Variants in RYR2 observed in about 807,000 individuals in gnomAD.
RYR2 encodes the protein cardiac muscle ryanodine receptor-calcium release channel.
A neutral mutation model predicts 601.1 loss-of-function variants in RYR2; 227 were observed. The ratio of observed to expected loss-of-function variants is 0.38; its 90% CI spans 0.34 to 0.42. RYR2 has a LOEUF of 0.42. Among genes scored for constraint, RYR2 ranks in the 10% least tolerant of loss-of-function variants. RYR2 has a pLI of 1.00. For missense variants in RYR2, 4,646 were observed against 6,156.5 expected (o/e 0.75, Z 8.21); for synonymous variants, 2,223 against 2,175.1 (o/e 1.02, Z -0.61).
chr1:237,764,481 C>T (rs1693689238), intron 84 of RYR2, among the ~76,000 whole-genome samples: 1 of 137,026 alleles, frequency 7.3e-6, no homozygotes, highest in Non-Finnish European at 1.5e-5. Flanking sequence ...TGGAGTGTCG[C>T]TCTGTCGCCC....
In RYR2 at chr1:237,561,015, A is replaced by G. The variant is rs544134059; in HGVS notation, c.3215-5552A>G. ...GACAGTAATTGGGGTTAAGAGAGCA[A>G]GTAGGGGAAAAGCTAATAAGGGCAA... On this transcript the variant is annotated intron_variant, in intron 27 of 104. Coordinates refer to ENST00000366574, the MANE Select transcript of RYR2 (RefSeq NM_001035.3). Among the ~76,000 whole-genome samples, 21 of 152,312 alleles carry G rather than the reference A, an allele frequency of 1.4e-4. No individual in the cohort carries two copies. The East Asian group carries it at 2.3e-3, about 17-fold the overall frequency.
intron 29 of RYR2, among the ~76,000 whole-genome samples, chr1:237,580,286 G>T (rs1463811929): frequency 6.7e-6 from 1 of 149,602 alleles, no homozygotes; most frequent in African/African-American, 2.5e-5. Flanking sequence ...CTCCTGAGTA[G>T]CTGGGATTAC....
intron 94 of RYR2, among the ~76,000 whole-genome samples, chr1:237,792,657 A>G (rs551311623): frequency 4.6e-5 from 7 of 152,180 alleles, no homozygotes; most frequent in African/African-American, 1.2e-4. Flanking sequence ...TTATGTCTAC[A>G]TTGACTAGTC....
At chr1:237,445,286 C>T (rs1358053791) in intron 13 of RYR2, 115 bp from the exon 14 acceptor site, 19 of 1,317,076 alleles carry the variant, frequency 1.4e-5, no homozygotes, top group Non-Finnish European at 2.0e-5. Flanking sequence ...GTCCCCTGTA[C>T]CTGCCTTTTG....
rs1000871262 is a variant in RYR2 at position 237,180,252 on chromosome 1, C to T, written c.49-90245C>T. Among the ~76,000 whole-genome samples, 23 of 152,234 alleles carry T rather than the reference C, an allele frequency of 1.5e-4. No individual in the cohort carries two copies. The highest frequency in any genetic ancestry group is 5.5e-4 in the African/African-American group (23 of 41,550). ...AGGACAGACAGGGGTGAGCACAGCT[C>T]AGGTGAGGAATGACAAGGGAAGATT... On this transcript the variant is annotated intron_variant, in intron 1 of 104. Transcript: ENST00000366574. The surrounding 1 kb of genome is among the most constrained non-coding windows in gnomAD (Gnocchi z 5.3).
intron 1 of RYR2, among the ~76,000 whole-genome samples, chr1:237,155,248 G>C (rs951848925): frequency 6.8e-6 from 1 of 146,962 alleles, no homozygotes; most frequent in Non-Finnish European, 1.5e-5. Context: ...CGGTCTCAGC[G>C]CACTGCAATC....
At chr1:237,119,389 T>C (rs1029141320) in intron 1 of RYR2, among the ~76,000 whole-genome samples, 1 of 152,190 alleles carries the variant, frequency 6.6e-6, no homozygotes, top group East Asian at 1.9e-4. Flanking sequence ...AGCAAACTGC[T>C]ACAGTAATTG....
At chr1:237,178,550 T>C (rs1348295976) in intron 1 of RYR2, among the ~76,000 whole-genome samples, 1 of 151,780 alleles carries the variant, frequency 6.6e-6, no homozygotes, top group Admixed American at 6.6e-5. Flanking sequence ...GTTGGCTAGT[T>C]GCGGTGGCTC....
chr1:237,705,977 G>A (rs1370191795), intron 67 of RYR2, among the ~76,000 whole-genome samples: 3 of 152,110 alleles, frequency 2.0e-5, no homozygotes, highest in Non-Finnish European at 2.9e-5. Flanking sequence ...AGGGCTGGGC[G>A]CAGTGGCTCA....
intron 14 of RYR2, among the ~76,000 whole-genome samples, chr1:237,449,875 T>C (rs1157841556): frequency 2.6e-5 from 4 of 152,326 alleles, no homozygotes; most frequent in African/African-American, 7.2e-5. Flanking sequence ...TGTTAGGTGC[T>C]GGCTATTTTT....
chr1:237,566,409 T>C (rs1384109369), intron 27 of RYR2, among the ~76,000 whole-genome samples, 158 bp from the exon 28 acceptor site: 1 of 152,174 alleles, frequency 6.6e-6, no homozygotes, highest in East Asian at 1.9e-4. Flanking sequence ...AAGCACTTGG[T>C]AAAATGGGAA....
At chr1:237,550,815 C>A (rs1057201561) in intron 27 of RYR2, 124 bp downstream of exon 27, 14 of 1,075,778 alleles carry the variant, frequency 1.3e-5, no homozygotes, top group Non-Finnish European at 1.4e-5. Context: ...GGAATTTCAG[C>A]CAAGTGGATT....
chr1:237,513,220 C>T (rs79012819), intron 24 of RYR2, among the ~76,000 whole-genome samples: 2,176 of 152,232 alleles, frequency 0.014, 51 homozygotes, highest in African/African-American at 0.044. Context: ...AATATAATTT[C>T]GAATTTTGAT....
chr1:237,298,261 A>G (rs1046228096), intron 2 of RYR2, among the ~76,000 whole-genome samples: 2 of 152,084 alleles, frequency 1.3e-5, no homozygotes, highest in Non-Finnish European at 2.9e-5. Flanking sequence ...CTGGCATAGG[A>G]AGATTAAGAT....
intron 17 of RYR2, among the ~76,000 whole-genome samples, chr1:237,491,270 C>A (rs921553348): frequency 1.3e-5 from 2 of 152,038 alleles, no homozygotes; most frequent in African/African-American, 4.8e-5. Flanking sequence ...ATCTTGTGTA[C>A]TATAAACCTC....
intron 1 of RYR2, among the ~76,000 whole-genome samples, chr1:237,254,751 A>C (rs894399546): frequency 2.6e-5 from 4 of 152,210 alleles, no homozygotes; most frequent in African/African-American, 9.6e-5. Flanking sequence ...AATACATTTA[A>C]TGTTTCATAG....
chr1:237,057,774 T>A (rs1246381154), intron 1 of RYR2, among the ~76,000 whole-genome samples: 2 of 152,082 alleles, frequency 1.3e-5, no homozygotes, highest in African/African-American at 4.8e-5. Context: ...CAAGATGGGA[T>A]AGAGATGCCC....
At chr1:237,648,294 C>T in intron 48 of RYR2, 150 bp from the exon 49 acceptor site, 2 of 659,712 alleles carry the variant, frequency 3.0e-6, no homozygotes, top group Non-Finnish European at 4.7e-6. Context: ...CCTCAGCAAA[C>T]TCCCATAATA....
Position 237,387,366 on chromosome 1 carries a change from G to T in RYR2, c.662G>T (p.Ser221Ile). The T allele has an allele frequency of 1.9e-6, 3 of 1,614,006 alleles. No individual in the cohort carries two copies. The highest frequency in any genetic ancestry group is 2.5e-6 in the Non-Finnish European group (3 of 1,179,884). The change falls in exon 9 of 105, where the codon AGT becomes ATT. Residue 221 changes from serine to isoleucine, a missense_variant. By Grantham distance (142) the Ser-to-Ile change is moderately radical. This residue lies in a region of RYR2 where 87 missense variants were observed against 144.7 expected (regional missense o/e 0.60). Transcript: ENST00000366574. ...LWSVAPISSG[S>I]EAAQGYLIGG... ...AGCGTGGCCCCAATCAGCTCAGGAAGTGAGGCAGCCCAAGGTAAAAACTCC... is the reference window on the plus strand; with the variant it reads ...AGCGTGGCCCCAATCAGCTCAGGAATTGAGGCAGCCCAAGGTAAAAACTCC...
Sources: gnomAD v4.1 joint callset for allele counts (sites outside exome capture counted in the v4.1 genomes callset) on GRCh38, gnomAD v4.1.1 for gene constraint, gnomAD v4.1.1 regional missense constraint, Gnocchi (gnomAD v3.1) non-coding constraint, MANE v1.5 for transcripts, NCBI Gene and HGNC (gene_info 2026-07-23, HGNC 2026-07-21) for gene names.